SPTAN1: variants seen among roughly 807,000 people sequenced by gnomAD.
SPTAN1 encodes spectrin alpha, non-erythrocytic 1, also known as spectrin alpha chain, non-erythrocytic 1.
Under a neutral mutation model 331.3 loss-of-function variants are expected in SPTAN1, and 61 were observed. The ratio of observed to expected loss-of-function variants is 0.18; its 90% confidence interval spans 0.15 to 0.23. The LOEUF is 0.23. SPTAN1 is among the 10% of genes least tolerant of loss of function. SPTAN1 has a pLI of 1.00. For missense variants in SPTAN1, 2,043 were observed against 3,147.9 expected (o/e 0.65, Z 8.40); for synonymous variants, 1,153 against 1,173.9 (o/e 0.98, Z 0.36).
chr9:128,584,636 A>T, intron 17 of SPTAN1, 85 bp from the exon 18 acceptor site: 1 of 1,614,058 alleles, frequency 6.2e-7, no homozygotes, highest in Non-Finnish European at 8.5e-7. Context: ...ATTGAACTGG[A>T]ACCATGGTGG....
In SPTAN1 at chr9:128,611,066, T is replaced by C. The variant is rs1013709974; in HGVS notation, c.4774-648T>C. On this transcript the variant is annotated intron_variant, in intron 37 of 56. Coordinates refer to ENST00000372739, the MANE Select transcript of SPTAN1 (RefSeq NM_001130438.3). ...GGAGAAAGCCATGGATGGAAATTGA[T>C]GTACAAGCAGATTCAAAACTGAAGT... Among the ~76,000 whole-genome samples the C allele has an allele frequency of 3.3e-5, 5 of 152,240 alleles. No homozygotes were observed. The South Asian group carries it at 1.0e-3, about 31-fold the overall frequency.
At chr9:128,557,534 A>G (rs1437977378) in intron 1 of SPTAN1, among the ~76,000 whole-genome samples, 2 of 151,940 alleles carry the variant, frequency 1.3e-5, no homozygotes, top group African/African-American at 4.8e-5. Flanking sequence ...ATATCCCATA[A>G]ATACCCCCCA....
At chr9:128,618,761 G>T (rs1043842908) in intron 43 of SPTAN1, 110 bp from the exon 44 acceptor site, 3 of 1,543,194 alleles carry the variant, frequency 1.9e-6, no homozygotes, top group South Asian at 2.2e-5. Flanking sequence ...GGGATTGCAG[G>T]CATGAGCCAC....
In SPTAN1 at chr9:128,627,801, G is replaced by A. The variant is rs750596137; in HGVS notation, c.6690-124G>A. On this transcript the variant is annotated intron_variant, in intron 50 of 56. Coordinates refer to ENST00000372739, the MANE Select transcript of SPTAN1 (RefSeq NM_001130438.3). This position sits in a 1 kb window ranked among gnomAD's most constrained non-coding sequence, Gnocchi z 4.9. ...GTGACAGACGATGCAGGGTCTGTGC[G>A]TTGGGTACTGATGTTCTTGCTTTTG... is the stretch of plus-strand genomic sequence containing the variant. The A allele has an allele frequency of 2.1e-4, 258 of 1,241,934 alleles. No individual in the cohort carries two copies. The highest frequency in any genetic ancestry group is 2.7e-4 in the Non-Finnish European group (230 of 842,344). The allele number at this position is 1,241,934 out of a possible 1,614,324, so 76.9% of individuals were successfully genotyped here. A position where few individuals can be genotyped will look rare whatever the true frequency, so the allele number is the denominator to read the frequency against.
intron 12 of SPTAN1, among the ~76,000 whole-genome samples, chr9:128,582,152 G>T (rs1368905854): frequency 1.3e-5 from 2 of 152,138 alleles, no homozygotes; most frequent in Non-Finnish European, 1.5e-5. Context: ...TTAATATTAA[G>T]AGGTACTCTT....
At chr9:128,556,301 C>A (rs2050630) in intron 1 of SPTAN1, among the ~76,000 whole-genome samples, 146,864 of 151,348 alleles carry the variant, frequency 0.97, 71,406 homozygotes, top group East Asian at 1. Context: ...ACCTTTTTCA[C>A]AAAAAAAAAA....
chr9:128,578,252 G>A lies in SPTAN1; in HGVS notation c.1221+7G>A, dbSNP rs1339395881. 2 of 1,613,824 alleles carry A rather than the reference G, an allele frequency of 1.2e-6. No individual in the cohort carries two copies. The highest frequency in any genetic ancestry group is 2.7e-5 in the African/African-American group (2 of 74,920). On this transcript the variant is annotated splice_region_variant and intron_variant, in intron 9 of 56. Transcript: ENST00000372739. ...TAGACACCAAGAGCACAAGGTAATG[G>A]TATCTCTAGAATCTTCCAGAAGTGA...
At chr9:128,566,468 C>T (rs1474948919) in intron 1 of SPTAN1, among the ~76,000 whole-genome samples, 1 of 152,164 alleles carries the variant, frequency 6.6e-6, no homozygotes, top group Non-Finnish European at 1.5e-5. Flanking sequence ...ATAGTTCTCC[C>T]ATTCACAGTT....
rs1564300075 is a variant in SPTAN1, at chr9:128,618,889, G to A, written c.5619G>A (p.Glu1873=). ...LAAARGQRLE[E]SLEYQQFVAN... is the part of the protein sequence containing the mutation. ...TAATTAGGGGTCAGCGGCTGGAAGAGTCCTTGGAATATCAGCAGTTTGTAG... is the reference window on the plus strand; with the variant it reads ...TAATTAGGGGTCAGCGGCTGGAAGAATCCTTGGAATATCAGCAGTTTGTAG... Residue 1873 remains glutamate, a synonymous_variant, in exon 44 of 57, where the codon GAG becomes GAA. Transcript: ENST00000372739. 2.5e-6 allele frequency: 4 copies of A among 1,614,188 alleles called. No individual in the cohort carries two copies. Among genetic ancestry groups the A allele is most frequent in the Non-Finnish European group, 3.4e-6 (4 of 1,180,038 alleles).
chr9:128,615,767 C>A lies in SPTAN1; in HGVS notation c.5284C>A (p.Arg1762=). ...QKIKSMAASR[R]AKLNESHRLH... Reference sequence around the variant, plus strand: ...GATCAAGAGCATGGCGGCCTCCCGGCGAGCCAAGCTGAATGAATCCCATCG... The same window carrying A: ...GATCAAGAGCATGGCGGCCTCCCGGAGAGCCAAGCTGAATGAATCCCATCG... Residue 1762 remains arginine (R), a synonymous_variant, in exon 41 of 57, where the codon CGA becomes AGA. Transcript: ENST00000372739. 1 of 1,614,214 alleles carries A rather than the reference C, an allele frequency of 6.2e-7. No individual in the cohort carries two copies. The highest frequency in any genetic ancestry group is 8.5e-7 in the Non-Finnish European group (1 of 1,180,042).
Position 128,591,623 on chromosome 9 carries a change from T to C in SPTAN1, c.3153T>C (p.Asn1051=). 1 of 1,613,846 alleles carries C rather than the reference T, an allele frequency of 6.2e-7. No homozygotes were observed. The highest frequency in any genetic ancestry group is 1.1e-5 in the South Asian group (1 of 91,068). ...CACTGCGGCAGGAGCAGATTGACAA[T>C]CAGTAAGGATGACACTGGGGGCCGC... ...SIALRQEQID[N]QTRITKEAGS... The change falls in exon 22 of 57, where the codon AAT becomes AAC. Residue 1051 remains asparagine (N), a splice_region_variant and synonymous_variant. Transcript: ENST00000372739.
At chr9:128,628,153 G>C (rs1380176995) in intron 51 of SPTAN1, 1 of 745,392 alleles carries the variant, frequency 1.3e-6, no homozygotes, top group African/African-American at 1.7e-5. Context: ...CTTCAAGCCA[G>C]GGGGAGCCGT....
intron 21 of SPTAN1, among the ~76,000 whole-genome samples, chr9:128,589,676 C>T (rs1240824467): frequency 6.6e-6 from 1 of 151,378 alleles, no homozygotes; most frequent in Non-Finnish European, 1.5e-5. Flanking sequence ...CCCAGGTTCA[C>T]GCCATTCTCC....
intron 5 of SPTAN1, 118 bp downstream of exon 5, chr9:128,575,463 C>A: frequency 8.7e-7 from 1 of 1,152,916 alleles, no homozygotes; most frequent in Non-Finnish European, 1.3e-6. Flanking sequence ...TTTTTGTAAG[C>A]ATGTCTGAGA....
At chr9:128,628,063 T>C (rs1859051837) in intron 51 of SPTAN1, 121 bp downstream of exon 51, 1 of 1,223,298 alleles carries the variant, frequency 8.2e-7, no homozygotes, top group Non-Finnish European at 1.2e-6. Context: ...GGGCTGCACT[T>C]CCCCTCCCAC....
intron 24 of SPTAN1, among the ~76,000 whole-genome samples, chr9:128,598,003 C>T (rs1347130031): frequency 6.6e-6 from 1 of 150,944 alleles, no homozygotes; most frequent in Non-Finnish European, 1.5e-5. Context: ...GGCTGGAGTG[C>T]AATGGCGCAA....
intron 10 of SPTAN1, among the ~76,000 whole-genome samples, chr9:128,580,283 A>T (rs1463347396): frequency 6.6e-6 from 1 of 150,772 alleles, no homozygotes; most frequent in Non-Finnish European, 1.5e-5. Flanking sequence ...CCTGTCTCTA[A>T]AAAAAAATAA....
chr9:128,606,554 G>A (rs1359602535), intron 31 of SPTAN1, among the ~76,000 whole-genome samples: 1 of 149,478 alleles, frequency 6.7e-6, no homozygotes, highest in African/African-American at 2.5e-5. Context: ...TGCGATCTCA[G>A]CTCACCGCAA....
At chr9:128,612,393 T>C (rs1856668894) in intron 39 of SPTAN1, 147 bp downstream of exon 39, 2 of 968,332 alleles carry the variant, frequency 2.1e-6, no homozygotes, top group Admixed American at 2.1e-5. Flanking sequence ...AGTTGCATGC[T>C]GTAAGGGATT....
Sources: gnomAD v4.1 joint callset for allele counts (sites outside exome capture counted in the v4.1 genomes callset) on GRCh38, gnomAD v4.1.1 for gene constraint, Gnocchi (gnomAD v3.1) non-coding constraint, MANE v1.5 for transcripts, NCBI Gene and HGNC (gene_info 2026-07-23, HGNC 2026-07-21) for gene names.